The following SLIT3 variants were observed in gnomAD, a reference collection of about 807,000 sequenced individuals.
The protein encoded by SLIT3 is slit homolog 3 protein.
SLIT3 carries 68 observed loss-of-function variants against 184.0 expected under a neutral mutation model. The ratio of observed to expected loss-of-function variants is 0.37; its 90% CI spans 0.30 to 0.45. SLIT3 has a LOEUF of 0.45. SLIT3 is among the 20% of genes least tolerant of loss of function. SLIT3 has a pLI of 1.00. For missense variants in SLIT3, 1,707 were observed against 2,026.0 expected (o/e 0.84, Z 3.02); for synonymous variants, 831 against 828.6 (o/e 1.00, Z -0.05).
chr5:168,679,697 G>A (rs1409984976), intron 32 of SLIT3, among the ~76,000 whole-genome samples: 1 of 152,126 alleles, frequency 6.6e-6, no homozygotes. Flanking sequence ...GGCAGCAAGC[G>A]GAGACCTCAG....
chr5:169,242,539 G>A (rs990875174), intron 3 of SLIT3, among the ~76,000 whole-genome samples: 1 of 152,158 alleles, frequency 6.6e-6, no homozygotes, highest in Non-Finnish European at 1.5e-5. Context: ...CTCCTGGCTT[G>A]ATGCAGACAA....
At chr5:168,895,469 T>C (rs542729804) in intron 4 of SLIT3, among the ~76,000 whole-genome samples, 5 of 152,294 alleles carry the variant, frequency 3.3e-5, no homozygotes, top group African/African-American at 1.2e-4. Flanking sequence ...TGAGATGCTA[T>C]CCTGGGGCCA....
intron 4 of SLIT3, among the ~76,000 whole-genome samples, chr5:168,986,263 A>G (rs867193654): frequency 1.4e-4 from 22 of 152,320 alleles, no homozygotes; most frequent in African/African-American, 5.3e-4. Flanking sequence ...TATATGATAG[A>G]TGATGAAATG....
At chr5:169,078,043 G>C (rs1581382145) in intron 4 of SLIT3, among the ~76,000 whole-genome samples, 1 of 152,036 alleles carries the variant, frequency 6.6e-6, no homozygotes, top group East Asian at 1.9e-4. Flanking sequence ...AGAATCCTAG[G>C]AAACCTTGCT....
intron 7 of SLIT3, among the ~76,000 whole-genome samples, chr5:168,822,841 C>T (rs1228054164): frequency 6.6e-6 from 1 of 152,130 alleles, no homozygotes; most frequent in Non-Finnish European, 1.5e-5. Context: ...CAGGGGAAAA[C>T]CATTGCAACC....
intron 4 of SLIT3, among the ~76,000 whole-genome samples, chr5:169,062,472 C>T (rs1183829901): frequency 6.6e-6 from 1 of 152,226 alleles, no homozygotes. Context: ...CCCTAGAAGG[C>T]CTGGCCTCTG....
intron 3 of SLIT3, among the ~76,000 whole-genome samples, chr5:169,207,310 T>C (rs751874313): frequency 5.2e-4 from 79 of 151,090 alleles, no homozygotes; most frequent in Non-Finnish European, 3.2e-4. Context: ...CCCTCACAAA[T>C]AGATTCCAGG....
chr5:168,897,150 C>G lies in SLIT3; in HGVS notation c.414-13814G>C, dbSNP rs559382321. Reference sequence around the variant, plus strand: ...TAGGGTGACTACTATGTACCCAGGGCGTTAGGCATTGCAGGTCAACACTAA... The same window carrying G: ...TAGGGTGACTACTATGTACCCAGGGGGTTAGGCATTGCAGGTCAACACTAA... On this transcript the variant is annotated intron_variant, in intron 4 of 35. Transcript: ENST00000519560. Among the ~76,000 whole-genome samples, 3 of 151,486 alleles carry G rather than the reference C, an allele frequency of 2.0e-5. No homozygotes were observed. In the East Asian group the frequency reaches 5.8e-4, roughly 29 times the overall value.
rs1333033717 is a variant in SLIT3 at position 169,300,884 on chromosome 5, G to A, written c.-175C>T. On this transcript the variant is annotated 5_prime_UTR_variant, in exon 1 of 36. Coordinates refer to ENST00000519560, the MANE Select transcript of SLIT3 (RefSeq NM_003062.4). The surrounding 1 kb of genome is among the most constrained non-coding windows in gnomAD (Gnocchi z 4.1). ...GGCGCGGGCGGAGCGGGGCGCTCCG[G>A]GCGGCGGCGGCGGCAGCAACAGCAG... 3 of 389,050 alleles carry A rather than the reference G, an allele frequency of 7.7e-6. No homozygotes were observed. Among genetic ancestry groups the A allele is most frequent in the Non-Finnish European group, 1.2e-5 (3 of 247,420 alleles). The allele number at this position is 389,050 out of a possible 1,614,324, so 24.1% of individuals were successfully genotyped here. A position where few individuals can be genotyped will look rare whatever the true frequency, so the allele number is the denominator to read the frequency against.
chr5:168,809,105 G>A (rs1233740714), intron 8 of SLIT3, among the ~76,000 whole-genome samples: 1 of 152,156 alleles, frequency 6.6e-6, no homozygotes. Context: ...CCATATTCAA[G>A]GGCTTATAAT....
At position 169,183,071 on chromosome 5, in the gene SLIT3, C is replaced by T. The variant is rs1177437518; in HGVS notation, c.413+10408G>A. Among the ~76,000 whole-genome samples the T allele has an allele frequency of 3.3e-5, 5 of 152,294 alleles. 1 individual carries two copies. The highest frequency in any genetic ancestry group is 2.1e-4 in the South Asian group (1 of 4,816). On this transcript the variant is annotated intron_variant, in intron 4 of 35. Coordinates refer to ENST00000519560, the MANE Select transcript of SLIT3 (RefSeq NM_003062.4). The stretch of plus-strand genomic sequence containing the variant: ...GCAAGAAGCCCACACTTATACCCTC[C>T]GGGCTCAGGTTAGACATTTCTGGGT...
chr5:169,106,563 T>G (rs1760215118), intron 4 of SLIT3, among the ~76,000 whole-genome samples: 1 of 152,102 alleles, frequency 6.6e-6, no homozygotes, highest in African/African-American at 2.4e-5. Context: ...CAGTATTGAG[T>G]CTAACCCTCA....
chr5:168,896,094 A>G (rs545050059), intron 4 of SLIT3, among the ~76,000 whole-genome samples: 6 of 152,316 alleles, frequency 3.9e-5, no homozygotes, highest in Non-Finnish European at 5.9e-5. Context: ...TTCATCCCCT[A>G]TAGCCCAAGC....
chr5:168,858,200 G>A (rs1758970475), intron 5 of SLIT3, among the ~76,000 whole-genome samples: 1 of 152,244 alleles, frequency 6.6e-6, no homozygotes, highest in African/African-American at 2.4e-5. Flanking sequence ...GAAGGAGGAA[G>A]AGGAGAAAGC....
chr5:169,275,971 A>G (rs948752574), intron 1 of SLIT3, among the ~76,000 whole-genome samples: 5 of 152,096 alleles, frequency 3.3e-5, no homozygotes, highest in Non-Finnish European at 5.9e-5. Context: ...TAAAGGGTGT[A>G]CATGTGTCTG....
chr5:168,747,953 G>A (rs60469541), intron 20 of SLIT3, among the ~76,000 whole-genome samples: 3,368 of 152,280 alleles, frequency 0.022, 313 homozygotes, highest in Admixed American at 0.16. Flanking sequence ...AGAGACTGCT[G>A]AGGAGTCTTA....
intron 14 of SLIT3, among the ~76,000 whole-genome samples, chr5:168,764,644 G>A (rs2113513306): frequency 6.6e-6 from 1 of 152,274 alleles, no homozygotes; most frequent in Non-Finnish European, 1.5e-5. Flanking sequence ...AACTTGGTGG[G>A]TCTCTAATTC....
chr5:169,288,416 T>C (rs1200294157), intron 1 of SLIT3, among the ~76,000 whole-genome samples: 1 of 152,162 alleles, frequency 6.6e-6, no homozygotes, highest in African/African-American at 2.4e-5. Flanking sequence ...TACATATTTG[T>C]ACCCACTAAA....
At position 168,842,469 on chromosome 5, in the gene SLIT3, G is replaced by GTTTTTTTTTTTTTTTT. The variant is rs778998998; in HGVS notation, c.557+2099_557+2114dup. On this transcript the variant is annotated intron_variant, in intron 6 of 35. Transcript: ENST00000519560. ...TGGTGCATCTGGATACCGTTTTTTC[G>GTTTTTTTTTTTTTTTT]TTTTTTTTTTTTTTTTTTGTATCTG... 8.2e-4 allele frequency among the ~76,000 whole-genome samples: 72 copies of GTTTTTTTTTTTTTTTT among 88,068 alleles called. 4 individuals are homozygous for GTTTTTTTTTTTTTTTT. Among genetic ancestry groups the GTTTTTTTTTTTTTTTT allele is most frequent in the African/African-American group, 2.2e-3 (45 of 20,850 alleles). 57.8% of individuals were successfully genotyped at this position (88,068 alleles called of 152,430 possible).
Sources: allele counts gnomAD v4.1 joint callset (sites outside exome capture counted in the v4.1 genomes callset), GRCh38; gene constraint gnomAD v4.1.1; non-coding constraint Gnocchi (gnomAD v3.1); transcripts MANE v1.5; gene names NCBI Gene and HGNC (gene_info 2026-07-23, HGNC 2026-07-21).